The following DACH2 variants were observed in gnomAD, a reference collection of about 807,000 sequenced individuals.
DACH2 encodes dachshund family transcription factor 2.
A neutral mutation model predicts 35.8 loss-of-function variants in DACH2; 17 were observed. The ratio of observed to expected loss-of-function variants is 0.48; its 90% CI spans 0.33 to 0.71. The LOEUF (loss-of-function observed/expected upper bound fraction) is 0.71, where lower values mean the gene tolerates loss of function less well. Ranked by LOEUF, DACH2 falls within the 30% of genes least tolerant of loss-of-function variation. The pLI, the probability that DACH2 is intolerant of heterozygous loss-of-function variation, is 0.02. For synonymous variants in DACH2, 195 were observed against 177.3 expected (o/e 1.10, Z -0.79); for missense variants, 469 against 472.7 (o/e 0.99, Z 0.07).
chrX:86,184,954 A>C (rs1413217987), intron 1 of DACH2, among the ~76,000 whole-genome samples: 1 of 111,815 alleles, frequency 8.9e-6, no homozygotes, highest in Admixed American at 9.5e-5. Flanking sequence ...ATTATCCATC[A>C]AATAGGGGAT....
intron 4 of DACH2, among the ~76,000 whole-genome samples, chrX:86,674,335 T>C (rs1204811107): frequency 8.9e-6 from 1 of 112,682 alleles, no homozygotes; most frequent in Non-Finnish European, 1.9e-5. Flanking sequence ...TCACAATTCA[T>C]TGGACTTTAC....
chrX:86,692,568 A>T (rs1010277882), intron 4 of DACH2, among the ~76,000 whole-genome samples: 1 of 112,325 alleles, frequency 8.9e-6, no homozygotes, highest in Admixed American at 9.5e-5. Context: ...GTACCATTTC[A>T]TATTAAATGT....
chrX:86,183,795 C>T (rs1397433829), intron 1 of DACH2, among the ~76,000 whole-genome samples: 2 of 111,312 alleles, frequency 1.8e-5, no homozygotes, highest in East Asian at 2.8e-4. Flanking sequence ...GGTGTGAATC[C>T]GTCCGGTCTT....
chrX:86,268,771 C>G (rs112775938), intron 1 of DACH2, among the ~76,000 whole-genome samples: 1 of 110,023 alleles, frequency 9.1e-6, no homozygotes, highest in Admixed American at 9.8e-5. Flanking sequence ...TGACCTCAAG[C>G]GATCTGCTTG....
chrX:86,703,472 C>T (rs67512931), intron 5 of DACH2, among the ~76,000 whole-genome samples: 26,392 of 110,023 alleles, frequency 0.24, 2,607 homozygotes, highest in Admixed American at 0.46. Flanking sequence ...GAAAAGAGGA[C>T]GTTAAAATAT....
At chrX:86,158,892 A>C (rs964427433) in intron 1 of DACH2, among the ~76,000 whole-genome samples, 9 of 111,193 alleles carry the variant, frequency 8.1e-5, no homozygotes, top group Non-Finnish European at 1.7e-4. Flanking sequence ...TTAAGATACA[A>C]AACAAGGTAT....
chrX:86,266,488 A>G (rs1312173961), intron 1 of DACH2, among the ~76,000 whole-genome samples: 1 of 111,966 alleles, frequency 8.9e-6, no homozygotes, highest in Non-Finnish European at 1.9e-5. Flanking sequence ...AAACATTATA[A>G]GATAGTGGCA....
At chrX:86,766,494 T>C (rs936949274) in intron 7 of DACH2, among the ~76,000 whole-genome samples, 10 of 111,386 alleles carry the variant, frequency 9.0e-5, no homozygotes, top group African/African-American at 2.9e-4. Context: ...TGCAAGGAGG[T>C]GTGAACCAGT....
chrX:86,701,002 G>A (rs1051902331), intron 5 of DACH2, among the ~76,000 whole-genome samples: 1 of 111,646 alleles, frequency 9.0e-6, no homozygotes, highest in African/African-American at 3.3e-5. Flanking sequence ...GTTCTGTGAG[G>A]TCAGGATCAT....
At chrX:86,337,919 T>G (rs2035343588) in intron 1 of DACH2, among the ~76,000 whole-genome samples, 1 of 98,217 alleles carries the variant, frequency 1.0e-5, no homozygotes, top group South Asian at 4.5e-4. Flanking sequence ...AGACCTAGTC[T>G]CTGATAAAAT....
At chrX:86,191,838 A>G (rs242870) in intron 1 of DACH2, among the ~76,000 whole-genome samples, 8,762 of 110,221 alleles carry the variant, frequency 0.079, 885 homozygotes, top group African/African-American at 0.28. Context: ...CCACTTGGGA[A>G]GCTGAGGCAG....
chrX:86,421,386 A>C (rs1436911939), intron 2 of DACH2, among the ~76,000 whole-genome samples: 1 of 111,289 alleles, frequency 9.0e-6, no homozygotes, highest in Non-Finnish European at 1.9e-5. Flanking sequence ...TTTAAGAGTG[A>C]CAGATCAGTG....
intron 7 of DACH2, among the ~76,000 whole-genome samples, chrX:86,780,388 G>A (rs1168006485): frequency 9.0e-6 from 1 of 111,092 alleles, no homozygotes; most frequent in Non-Finnish European, 1.9e-5. Flanking sequence ...TATGGATGGG[G>A]ATCAAGATTC....
At chrX:86,620,268 T>C (rs1355497817) in intron 3 of DACH2, among the ~76,000 whole-genome samples, 1 of 111,816 alleles carries the variant, frequency 8.9e-6, no homozygotes, top group Non-Finnish European at 1.9e-5. Flanking sequence ...AAGTTGTACA[T>C]AGAAAAAGGC....
intron 5 of DACH2, among the ~76,000 whole-genome samples, chrX:86,711,179 C>G (rs2041273748): frequency 9.0e-6 from 1 of 111,168 alleles, no homozygotes; most frequent in African/African-American, 3.3e-5. Context: ...AGTTCGAGAC[C>G]AGCTTGGCCA....
At chrX:86,481,350 T>A (rs2037932503) in intron 2 of DACH2, among the ~76,000 whole-genome samples, 1 of 112,041 alleles carries the variant, frequency 8.9e-6, no homozygotes. Context: ...TAGTGAGCAG[T>A]CAAAATGTTT....
At chrX:86,715,548 T>G (rs2041326434) in intron 6 of DACH2, among the ~76,000 whole-genome samples, 1 of 111,493 alleles carries the variant, frequency 9.0e-6, no homozygotes, top group Non-Finnish European at 1.9e-5. Flanking sequence ...AGAAACCCAT[T>G]GATTTCCTCC....
chrX:86,349,251 C>A (rs988640729), intron 1 of DACH2, among the ~76,000 whole-genome samples: 3 of 111,649 alleles, frequency 2.7e-5, no homozygotes, highest in Non-Finnish European at 3.8e-5. Context: ...AGCTGTCAGG[C>A]TCTCACCGAC....
intron 1 of DACH2, among the ~76,000 whole-genome samples, chrX:86,288,298 T>C (rs1330624610): frequency 2.7e-5 from 3 of 112,304 alleles, no homozygotes; most frequent in Admixed American, 9.4e-5. Context: ...CAACTACCTC[T>C]ATGGCCACCA....
Sources: gnomAD v4.1 joint callset for allele counts (sites outside exome capture counted in the v4.1 genomes callset) on GRCh38, gnomAD v4.1.1 for gene constraint, MANE v1.5 for transcripts, NCBI Gene and HGNC (gene_info 2026-07-23, HGNC 2026-07-21) for gene names.